SLC24A3: variants seen among roughly 807,000 people sequenced by gnomAD.
SLC24A3 encodes the protein solute carrier family 24 member 3.
Under a neutral mutation model 75.8 loss-of-function variants are expected in SLC24A3, and 28 were observed. That is an observed-to-expected ratio of 0.37 (90% confidence interval 0.27 to 0.51). The LOEUF (loss-of-function observed/expected upper bound fraction) is 0.51. SLC24A3 is among the 20% of genes least tolerant of loss of function. SLC24A3 has a pLI of 0.94. For synonymous variants in SLC24A3, 372 were observed against 334.1 expected, an observed-to-expected ratio of 1.11 and a Z score of -1.24; for missense variants, 663 against 847.8, an observed-to-expected ratio of 0.78 and a Z score of 2.71.
chr20:19,313,906 G>A (rs1486993483), intron 2 of SLC24A3, among the ~76,000 whole-genome samples: 1 of 152,200 alleles, frequency 6.6e-6, no homozygotes, highest in African/African-American at 2.4e-5. Flanking sequence ...AACCCCATGA[G>A]GAGATGATAC....
chr20:19,223,843 C>T (rs6045922), intron 1 of SLC24A3, among the ~76,000 whole-genome samples: 55,153 of 151,966 alleles, frequency 0.36, 11,229 homozygotes, highest in Middle Eastern at 0.48. Context: ...CCATGACAGT[C>T]GATCTGATAA....
intron 2 of SLC24A3, among the ~76,000 whole-genome samples, chr20:19,393,587 A>G (rs1329883499): frequency 6.6e-6 from 1 of 151,508 alleles, no homozygotes; most frequent in Admixed American, 6.6e-5. Flanking sequence ...TGAAACCAAG[A>G]AAACAATTTT....
chr20:19,223,229 T>C lies in SLC24A3; in HGVS notation c.142+10245T>C, dbSNP rs551390155. ...ATCATTTGAACCCAGGATGTGGAGG[T>C]TGCAGTGAGCTGAGATTGCACCATT... is the stretch of plus-strand genomic sequence containing the variant. On this transcript the variant is annotated intron_variant, in intron 1 of 16. Transcript: ENST00000328041. Among the ~76,000 whole-genome samples, 6 of 151,916 alleles carry C rather than the reference T, an allele frequency of 3.9e-5. No individual in the cohort carries two copies. The South Asian group carries it at 1.3e-3, about 32-fold the overall frequency.
At chr20:19,463,568 A>C (rs1443501160) in intron 2 of SLC24A3, among the ~76,000 whole-genome samples, 1 of 152,150 alleles carries the variant, frequency 6.6e-6, no homozygotes, top group Admixed American at 6.5e-5. Flanking sequence ...TAGGATGTGG[A>C]TAGAGTTGGG....
intron 2 of SLC24A3, among the ~76,000 whole-genome samples, chr20:19,296,398 G>A (rs111445812): frequency 0.02 from 3,046 of 150,728 alleles, 39 homozygotes; most frequent in African/African-American, 0.031. Flanking sequence ...TAGCTTTGGG[G>A]TTTGTTTGCT....
chr20:19,386,311 G>GT (rs1011983620), intron 2 of SLC24A3, among the ~76,000 whole-genome samples: 2 of 152,110 alleles, frequency 1.3e-5, no homozygotes. Flanking sequence ...TTCTAACAGG[G>GT]TTTTTTGGTG....
intron 6 of SLC24A3, among the ~76,000 whole-genome samples, chr20:19,627,566 A>G (rs925809838): frequency 1.3e-5 from 2 of 152,228 alleles, no homozygotes; most frequent in African/African-American, 4.8e-5. Context: ...GCACAGAATG[A>G]AAACAAGTAA....
intron 6 of SLC24A3, among the ~76,000 whole-genome samples, chr20:19,603,597 G>A (rs1179512422): frequency 6.6e-6 from 1 of 152,196 alleles, no homozygotes; most frequent in Non-Finnish European, 1.5e-5. Flanking sequence ...CTTGGCAGTT[G>A]TTTGAAAGCA....
At chr20:19,713,805 C>CTG (rs2033014847) in intron 15 of SLC24A3, among the ~76,000 whole-genome samples, 2 of 152,172 alleles carry the variant, frequency 1.3e-5, no homozygotes, top group African/African-American at 4.8e-5. Context: ...AAAGCAGGAA[C>CTG]TGTATTATCC....
At chr20:19,415,381 G>A (rs996822949) in intron 2 of SLC24A3, among the ~76,000 whole-genome samples, 2 of 152,160 alleles carry the variant, frequency 1.3e-5, no homozygotes, top group Non-Finnish European at 2.9e-5. Flanking sequence ...AATGACAGAA[G>A]CCACCTCACC....
intron 3 of SLC24A3, among the ~76,000 whole-genome samples, chr20:19,549,507 G>A (rs955554379): frequency 6.6e-6 from 1 of 152,212 alleles, no homozygotes; most frequent in Non-Finnish European, 1.5e-5. Context: ...GACTTGGCCA[G>A]GTGTGGTGGC....
intron 3 of SLC24A3, among the ~76,000 whole-genome samples, chr20:19,559,985 A>G (rs1276213784): frequency 6.6e-6 from 1 of 152,166 alleles, no homozygotes; most frequent in Non-Finnish European, 1.5e-5. Context: ...TCACATGGCA[A>G]GTTTTCAACT....
Position 19,212,726 on chromosome 20 carries a change from C to T in SLC24A3, c.-117C>T. The T allele has an allele frequency of 2.5e-6, 2 of 815,550 alleles. No individual in the cohort carries two copies. The highest frequency in any genetic ancestry group is 1.5e-6 in the Non-Finnish European group (1 of 676,934). The allele number at this position is 815,550 out of a possible 1,614,324, so 50.5% of individuals were successfully genotyped here. ...GGCGGAGGCGGCGGCCGGGTGGGAG[C>T]GCAGCGAGGACGCGCGGCTGCTGCG... On this transcript the variant is annotated 5_prime_UTR_variant, in exon 1 of 17. Coordinates refer to ENST00000328041, the MANE Select transcript of SLC24A3 (RefSeq NM_020689.4).
At chr20:19,591,467 T>C (rs979606997) in intron 6 of SLC24A3, among the ~76,000 whole-genome samples, 1 of 150,728 alleles carries the variant, frequency 6.6e-6, no homozygotes, top group African/African-American at 2.4e-5. Context: ...TTATCTCTAA[T>C]CTCCTCTGTT....
At chr20:19,402,400 A>G (rs952240765) in intron 2 of SLC24A3, among the ~76,000 whole-genome samples, 1 of 152,200 alleles carries the variant, frequency 6.6e-6, no homozygotes, top group Non-Finnish European at 1.5e-5. Flanking sequence ...TGCTTCAGAA[A>G]CAAACAAACC....
intron 2 of SLC24A3, among the ~76,000 whole-genome samples, chr20:19,453,764 C>A (rs1190111897): frequency 1.3e-5 from 2 of 152,180 alleles, no homozygotes; most frequent in Admixed American, 6.5e-5. Context: ...ATGGTGTCAC[C>A]CCCATTGGAG....
intron 13 of SLC24A3, chr20:19,693,783 T>A (rs2032773715): frequency 1.6e-5 from 3 of 190,054 alleles, no homozygotes; most frequent in Non-Finnish European, 2.2e-5. Context: ...CTTCTCACAG[T>A]GCATCATTAG....
At chr20:19,362,740 C>G (rs1056546325) in intron 2 of SLC24A3, among the ~76,000 whole-genome samples, 1 of 152,126 alleles carries the variant, frequency 6.6e-6, no homozygotes, top group African/African-American at 2.4e-5. Context: ...TCTACTTCAG[C>G]CATGCTCCCT....
chr20:19,597,539 C>G (rs145169416), intron 6 of SLC24A3, among the ~76,000 whole-genome samples: 77 of 152,220 alleles, frequency 5.1e-4, no homozygotes, highest in African/African-American at 1.6e-3. Context: ...GAGTGTCTGT[C>G]ACCTCCAGTA....
Sources: gnomAD v4.1 joint callset for allele counts (sites outside exome capture counted in the v4.1 genomes callset) on GRCh38, gnomAD v4.1.1 for gene constraint, MANE v1.5 for transcripts, NCBI Gene and HGNC (gene_info 2026-07-23, HGNC 2026-07-21) for gene names.